GNAI1: variants seen among roughly 807,000 people sequenced by gnomAD.
GNAI1 encodes the protein G protein subunit alpha i1.
Under a neutral mutation model 38.9 loss-of-function variants are expected in GNAI1, and 11 were observed. The ratio of observed to expected loss-of-function variants is 0.28; its 90% CI spans 0.18 to 0.47. The LOEUF (loss-of-function observed/expected upper bound fraction) is 0.47, where lower values mean the gene tolerates loss of function less well. Among genes scored for constraint, GNAI1 ranks in the 20% least tolerant of loss-of-function variants. The probability of loss-of-function intolerance (pLI) is 0.99; values close to 1 mark genes in which losing one functional copy is unlikely to be tolerated. For synonymous variants in GNAI1, 166 were observed against 145.1 expected, an observed-to-expected ratio of 1.14 and a Z score of -1.04; for missense variants, 317 against 436.9, an observed-to-expected ratio of 0.73 and a Z score of 2.45.
chr7:80,170,646 T>G (rs1788085157), intron 1 of GNAI1, among the ~76,000 whole-genome samples: 1 of 151,718 alleles, frequency 6.6e-6, no homozygotes, highest in Admixed American at 6.6e-5. Flanking sequence ...ATGACTGGAG[T>G]AGGAGGAAGA....
intron 5 of GNAI1, among the ~76,000 whole-genome samples, chr7:80,207,114 C>T (rs373692776): frequency 2.0e-5 from 3 of 152,042 alleles, no homozygotes; most frequent in East Asian, 1.9e-4. Flanking sequence ...AGTTTCTTAA[C>T]AGGCTATTAC....
chr7:80,155,516 TAAAC>T (rs1196935390), intron 1 of GNAI1, among the ~76,000 whole-genome samples: 1 of 152,212 alleles, frequency 6.6e-6, no homozygotes, highest in East Asian at 1.9e-4. Context: ...TCATCAGGAT[TAAAC>T]AAACTTCTGT....
At chr7:80,204,858 C>T (rs947270968) in intron 5 of GNAI1, among the ~76,000 whole-genome samples, 3 of 152,072 alleles carry the variant, frequency 2.0e-5, no homozygotes, top group Admixed American at 6.5e-5. Context: ...TCTACTGAAA[C>T]AAAACTTCTG....
At chr7:80,200,781 A>AT (rs5885169) in intron 4 of GNAI1, among the ~76,000 whole-genome samples, 28,518 of 152,166 alleles carry the variant, frequency 0.19, 3,438 homozygotes, top group African/African-American at 0.33. Context: ...TGTATTAACC[A>AT]TATGTATTAT....
intron 1 of GNAI1, among the ~76,000 whole-genome samples, chr7:80,177,417 T>C (rs539807016): frequency 6.6e-6 from 1 of 152,310 alleles, no homozygotes; most frequent in Non-Finnish European, 1.5e-5. Flanking sequence ...CTTTTCAATA[T>C]ATTTCTGCTC....
chr7:80,138,871 G>A (rs1183598926), intron 1 of GNAI1, among the ~76,000 whole-genome samples: 1 of 152,046 alleles, frequency 6.6e-6, no homozygotes, highest in Non-Finnish European at 1.5e-5. Flanking sequence ...TGAGCTGAGG[G>A]ATTGGATTTC....
chr7:80,154,416 A>G (rs750136987), intron 1 of GNAI1, among the ~76,000 whole-genome samples: 1 of 152,222 alleles, frequency 6.6e-6, no homozygotes, highest in Non-Finnish European at 1.5e-5. Flanking sequence ...CTTGGTGCAC[A>G]GGGATTTTAG....
intron 1 of GNAI1, among the ~76,000 whole-genome samples, chr7:80,168,539 C>CACCACGCCCG (rs1788049900): frequency 1.3e-5 from 2 of 152,250 alleles, no homozygotes; most frequent in South Asian, 4.1e-4. Context: ...AGGTGCCCGC[C>CACCACGCCCG]ACCACGCCCG....
At chr7:80,178,493 C>G (rs536037154) in intron 1 of GNAI1, among the ~76,000 whole-genome samples, 2 of 152,290 alleles carry the variant, frequency 1.3e-5, no homozygotes, top group African/African-American at 4.8e-5. Flanking sequence ...CAGCCACCCT[C>G]AACTTTCACC....
chr7:80,158,820 C>T (rs1787864318), intron 1 of GNAI1, among the ~76,000 whole-genome samples: 1 of 152,222 alleles, frequency 6.6e-6, no homozygotes, highest in Non-Finnish European at 1.5e-5. Context: ...CTTTCAAATT[C>T]CTCCCAGTTC....
chr7:80,137,322 T>TTTC (rs1562819595), intron 1 of GNAI1, among the ~76,000 whole-genome samples: 7 of 124,112 alleles, frequency 5.6e-5, no homozygotes, highest in Non-Finnish European at 1.0e-4. Flanking sequence ...CTTTTCTTTT[T>TTTC]TTTTTTTTTT....
chr7:80,165,104 G>A (rs1275605855), intron 1 of GNAI1, among the ~76,000 whole-genome samples: 1 of 151,978 alleles, frequency 6.6e-6, no homozygotes, highest in African/African-American at 2.4e-5. Flanking sequence ...GCATTATTAA[G>A]GGATGTATAT....
chr7:80,143,758 A>T (rs1335858496), intron 1 of GNAI1, among the ~76,000 whole-genome samples: 1 of 152,196 alleles, frequency 6.6e-6, no homozygotes, highest in Non-Finnish European at 1.5e-5. Flanking sequence ...AAGTACTTAG[A>T]ATACTACATG....
chr7:80,185,286 C>T (rs1788368276), intron 1 of GNAI1, among the ~76,000 whole-genome samples: 1 of 152,150 alleles, frequency 6.6e-6, no homozygotes. Context: ...AGTCACATAA[C>T]ACTGGATACT....
At chr7:80,193,401 CTGG>C (rs1299757852) in intron 3 of GNAI1, among the ~76,000 whole-genome samples, 4 of 152,094 alleles carry the variant, frequency 2.6e-5, no homozygotes, top group Non-Finnish European at 5.9e-5. Flanking sequence ...AGATTAAAGA[CTGG>C]TTATTTAAAA....
At chr7:80,207,687 G>A (rs1788799142) in intron 5 of GNAI1, among the ~76,000 whole-genome samples, 1 of 145,878 alleles carries the variant, frequency 6.9e-6, no homozygotes, top group African/African-American at 2.8e-5. Flanking sequence ...TCTTGAGTGT[G>A]GTCATCATTT....
intron 1 of GNAI1, among the ~76,000 whole-genome samples, chr7:80,138,064 CGT>C (rs1257655146): frequency 1.3e-5 from 2 of 152,130 alleles, no homozygotes; most frequent in Non-Finnish European, 2.9e-5. Flanking sequence ...TTCTAGGTAA[CGT>C]ATAACCAGTG....
At chr7:80,145,535 T>C (rs1456016015) in intron 1 of GNAI1, among the ~76,000 whole-genome samples, 3 of 152,222 alleles carry the variant, frequency 2.0e-5, no homozygotes, top group African/African-American at 4.8e-5. Flanking sequence ...AATCTACCTA[T>C]TAATAGATTG....
At chr7:80,207,296 G>A (rs1052396731) in intron 5 of GNAI1, among the ~76,000 whole-genome samples, 3 of 151,976 alleles carry the variant, frequency 2.0e-5, no homozygotes, top group African/African-American at 7.2e-5. Context: ...TCTTGGTTAG[G>A]TGCACTCTTA....
Sources: allele counts gnomAD v4.1 joint callset (sites outside exome capture counted in the v4.1 genomes callset), GRCh38; gene constraint gnomAD v4.1.1; transcripts MANE v1.5; gene names NCBI Gene and HGNC (gene_info 2026-07-23, HGNC 2026-07-21).